ZNF727: variants seen among roughly 807,000 people sequenced by gnomAD.
ZNF727 encodes the protein zinc finger protein 727.
A neutral mutation model predicts 11.5 loss-of-function variants in ZNF727; 11 were observed. That is an observed-to-expected ratio of 0.95 (90% CI 0.60 to 1.58). ZNF727 has a LOEUF of 1.58. Ranked by LOEUF, ZNF727 falls within the 40% of genes most tolerant of loss-of-function variation. ZNF727 has a pLI of 0.00. For synonymous variants in ZNF727, 171 were observed against 196.1 expected, an observed-to-expected ratio of 0.87 and a Z score of 1.07; for missense variants, 533 against 581.7, an observed-to-expected ratio of 0.92 and a Z score of 0.86.
Position 64,079,897 on chromosome 7 carries a change from T to C in ZNF727, c.*1348T>C, listed in dbSNP as rs1474237874. Among the ~76,000 whole-genome samples the C allele has an allele frequency of 6.6e-6, 1 of 152,206 alleles. No individual in the cohort carries two copies. The highest frequency in any genetic ancestry group is 1.5e-5 in the Non-Finnish European group (1 of 68,036). On this transcript the variant is annotated 3_prime_UTR_variant, in exon 4 of 4. Coordinates refer to ENST00000456806, the MANE Select transcript of ZNF727 (RefSeq NM_001159522.3). Reference sequence around the variant, plus strand: ...ATTTGCTTATCTGAATACGATCATATTTATTTTTTGCTTCTGAAGCTTACT... The same window carrying C: ...ATTTGCTTATCTGAATACGATCATACTTATTTTTTGCTTCTGAAGCTTACT...
chr7:64,068,194 T>G (rs542858453), intron 1 of ZNF727, among the ~76,000 whole-genome samples: 27 of 152,134 alleles, frequency 1.8e-4, no homozygotes, highest in Non-Finnish European at 2.6e-4. Context: ...TTAATTATTA[T>G]ACTCTTTATT....
In ZNF727 at chr7:64,077,490, T is replaced by C. The variant is rs1028208168; in HGVS notation, c.441T>C (p.Tyr147=). Residue 147 remains tyrosine, a synonymous_variant, in exon 4 of 4, where the codon TAT becomes TAC. Transcript: ENST00000456806. ...LSATRSKTCQ[Y]NKCGKAFGLC... Reference sequence around the variant, plus strand: ...CTACCCGTAGCAAAACCTGTCAATATAATAAATGTGGCAAAGCTTTTGGGT... The same window carrying C: ...CTACCCGTAGCAAAACCTGTCAATACAATAAATGTGGCAAAGCTTTTGGGT... 5 of 1,551,592 alleles carry C rather than the reference T, an allele frequency of 3.2e-6. No homozygotes were observed. Among genetic ancestry groups the C allele is most frequent in the Non-Finnish European group, 4.4e-6 (5 of 1,146,938 alleles).
chr7:64,081,336 G>A lies in ZNF727; in HGVS notation c.*2787G>A, dbSNP rs1410036953. Among the ~76,000 whole-genome samples the A allele has an allele frequency of 6.6e-6, 1 of 152,078 alleles. No individual in the cohort carries two copies. The highest frequency in any genetic ancestry group is 1.5e-5 in the Non-Finnish European group (1 of 68,030). On this transcript the variant is annotated 3_prime_UTR_variant, in exon 4 of 4. Coordinates refer to ENST00000456806, the MANE Select transcript of ZNF727 (RefSeq NM_001159522.3). ...GTTCTCCGCACAGTTTTACCACAAA[G>A]GCCAGGGTGGGGCTTTCTGGCTCTC...
intron 1 of ZNF727, among the ~76,000 whole-genome samples, chr7:64,053,384 A>C (rs1473729553): frequency 6.6e-6 from 1 of 152,140 alleles, no homozygotes; most frequent in African/African-American, 2.4e-5. Context: ...GCAGTGGCAC[A>C]GTCTCGGCTC....
chr7:64,066,903 T>C (rs955672884), intron 1 of ZNF727, among the ~76,000 whole-genome samples: 64 of 152,064 alleles, frequency 4.2e-4, no homozygotes, highest in African/African-American at 1.5e-3. Flanking sequence ...AATCTATCCA[T>C]CTGACAAAGG....
rs182565742 is a variant in ZNF727 at position 64,045,860 on chromosome 7, T to G, written c.3+236T>G. Among the ~76,000 whole-genome samples, 160 of 152,258 alleles carry G rather than the reference T, an allele frequency of 1.1e-3. 1 individual carries two copies. The highest frequency in any genetic ancestry group is 3.8e-3 in the African/African-American group (158 of 41,552). The stretch of plus-strand genomic sequence containing the variant: ...ATTTCTTTCCAGCCCAGAGACTTTT[T>G]GGGCAGCTCTGTGTCGCAATCCCGA... On this transcript the variant is annotated intron_variant, in intron 1 of 3. Transcript: ENST00000456806.
Position 64,077,841 on chromosome 7 carries a change from C to T in ZNF727, c.792C>T (p.Ala264=), listed in dbSNP as rs1206747737. 1 of 1,563,552 alleles carries T rather than the reference C, an allele frequency of 6.4e-7. No individual in the cohort carries two copies. The highest frequency in any genetic ancestry group is 2.4e-5 in the East Asian group (1 of 41,530). The change falls in exon 4 of 4, where the codon GCC becomes GCT. Residue 264 remains alanine, a synonymous_variant. Transcript: ENST00000456806. Reference sequence around the variant, plus strand: ...ACAAATGCGAAGAATGTCACAAAGCCTTTAGGTGTTGCTCAGACCTTACTA... The same window carrying T: ...ACAAATGCGAAGAATGTCACAAAGCTTTTAGGTGTTGCTCAGACCTTACTA... ...RPYKCEECHK[A]FRCCSDLTKH...
intron 1 of ZNF727, among the ~76,000 whole-genome samples, chr7:64,052,766 G>T (rs1485827727): frequency 6.6e-6 from 1 of 152,208 alleles, no homozygotes; most frequent in African/African-American, 2.4e-5. Context: ...GCTGCCCAAG[G>T]CCATGGAAGC....
rs1270790500 is a variant in ZNF727, at chr7:64,045,467, A to G, written c.-155A>G. 5.5e-6 allele frequency: 6 copies of G among 1,084,114 alleles called. No homozygotes were observed. The African/African-American group carries it at 9.4e-5, about 17-fold the overall frequency. The allele number at this position is 1,084,114 out of a possible 1,614,324, so 67.2% of individuals were successfully genotyped here. ...CAATATGGCAAGGCCTTCGTCTCCT[A>G]GCTTCTAGGCTCTGAGTCCAGTACC... On this transcript the variant is annotated 5_prime_UTR_variant, in exon 1 of 4. Transcript: ENST00000456806.
Position 64,077,773 on chromosome 7 carries a change from GC to G in ZNF727, c.727del (p.Thr244LeufsTer122), listed in dbSNP as rs557340863. On this transcript the variant is annotated frameshift_variant, in exon 4 of 4. Coordinates refer to ENST00000456806, the MANE Select transcript of ZNF727 (RefSeq NM_001159522.3). LOFTEE classifies it low-confidence loss of function (END_TRUNC). ...ECGKTFTCSS[A>X]LTKHKRNHTG... is the part of the protein sequence containing the mutation. ...TGGCAAAACATTTACCTGTTCCTCA[GC>G]CCTTACTAAACACAAGAGAAATCAT... The G allele has an allele frequency of 4.9e-4, 769 of 1,576,490 alleles. 15 individuals carry two copies. In the East Asian group the frequency reaches 0.018, roughly 37 times the overall value.
chr7:64,045,677 G>T, intron 1 of ZNF727, 53 bp downstream of exon 1: 2 of 1,552,696 alleles, frequency 1.3e-6, no homozygotes, highest in Non-Finnish European at 1.7e-6. Context: ...GTTTGAATCC[G>T]GTCGGAACTG....
At position 64,077,687 on chromosome 7, in the gene ZNF727, C is replaced by T; in HGVS notation, c.638C>T (p.Ser213Leu). The T allele has an allele frequency of 1.9e-6, 3 of 1,566,086 alleles. No individual in the cohort carries two copies. The highest frequency in any genetic ancestry group is 1.7e-6 in the Non-Finnish European group (2 of 1,155,204). Residue 213 changes from serine to leucine, a missense_variant, in exon 4 of 4, where the codon TCA becomes TTA. Ser to Leu is a moderately radical substitution (Grantham distance 145, BLOSUM62 -2). Transcript: ENST00000456806. ...EECGKACKKF[S>L]NLTEHNRVHT... ...TGTGGCAAAGCCTGTAAAAAGTTCT[C>T]AAACCTTACTGAACATAATAGAGTT...
chr7:64,054,801 A>G (rs1789657168), intron 1 of ZNF727, among the ~76,000 whole-genome samples: 1 of 152,132 alleles, frequency 6.6e-6, no homozygotes, highest in Admixed American at 6.5e-5. Context: ...TTATTTTCAA[A>G]TTTATGAGCC....
chr7:64,048,673 T>C (rs1789546571), intron 1 of ZNF727, among the ~76,000 whole-genome samples: 1 of 152,228 alleles, frequency 6.6e-6, no homozygotes. Context: ...TCTAGTATAA[T>C]TGTAGCCAGT....
Position 64,078,735 on chromosome 7 carries a change from C to A in ZNF727, c.*186C>A, listed in dbSNP as rs923409547. On this transcript the variant is annotated 3_prime_UTR_variant, in exon 4 of 4. Transcript: ENST00000456806. ...CAAGAGAATTCATATGGAAGAGAGA[C>A]CTTACAAATGTGAAGAATGCGGCAA... 1.3e-5 allele frequency among the ~76,000 whole-genome samples: 2 copies of A among 151,818 alleles called. No homozygotes were observed. Among genetic ancestry groups the A allele is most frequent in the African/African-American group, 4.8e-5 (2 of 41,326 alleles).
At chr7:64,051,298 A>G (rs1789594480) in intron 1 of ZNF727, among the ~76,000 whole-genome samples, 2 of 152,234 alleles carry the variant, frequency 1.3e-5, no homozygotes, top group Non-Finnish European at 2.9e-5. Flanking sequence ...AACAAAAAAA[A>G]TTGTAGCTCT....
At chr7:64,071,893 C>G (rs540489136) in intron 3 of ZNF727, among the ~76,000 whole-genome samples, 1 of 152,106 alleles carries the variant, frequency 6.6e-6, no homozygotes, top group East Asian at 1.9e-4. Context: ...ATGAGTTGAT[C>G]TTACATGATT....
chr7:64,062,867 C>T (rs1218394782), intron 1 of ZNF727, among the ~76,000 whole-genome samples: 3 of 149,496 alleles, frequency 2.0e-5, no homozygotes, highest in Non-Finnish European at 3.0e-5. Flanking sequence ...CTAATTCTTT[C>T]TTCTGCTTGA....
chr7:64,068,825 A>G (rs1789911829), intron 1 of ZNF727, 66 bp from the exon 2 acceptor site: 7 of 1,537,706 alleles, frequency 4.6e-6, no homozygotes, highest in East Asian at 2.5e-5. Flanking sequence ...CTTTACTCTC[A>G]TTTTACCTGA....
Sources: allele counts gnomAD v4.1 joint callset (sites outside exome capture counted in the v4.1 genomes callset), GRCh38; gene constraint gnomAD v4.1.1; transcripts MANE v1.5; gene names NCBI Gene and HGNC (gene_info 2026-07-23, HGNC 2026-07-21).